ARHGAP24: variants seen among roughly 807,000 people sequenced by gnomAD.
The protein encoded by ARHGAP24 is Rho GTPase activating protein 24, also known as rho GTPase-activating protein 24.
ARHGAP24 carries 50 observed loss-of-function variants against 76.4 expected under a neutral mutation model. The ratio of observed to expected loss-of-function variants is 0.65; its 90% CI spans 0.52 to 0.83. The LOEUF is 0.83. ARHGAP24 is among the 40% of genes least tolerant of loss of function. ARHGAP24 has a pLI of 0.00. For missense variants in ARHGAP24, 930 were observed against 914.2 expected, an observed-to-expected ratio of 1.02 and a Z score of -0.22; for synonymous variants, 345 against 323.3, an observed-to-expected ratio of 1.07 and a Z score of -0.72.
intron 3 of ARHGAP24, among the ~76,000 whole-genome samples, chr4:85,730,204 A>G (rs562158180): frequency 6.6e-6 from 1 of 152,344 alleles, no homozygotes; most frequent in African/African-American, 2.4e-5. Context: ...TCTGACCAGA[A>G]CTGAAATCTC....
At chr4:85,612,792 C>CTTTTCTTTTTT (rs1720436648) in intron 2 of ARHGAP24, among the ~76,000 whole-genome samples, 1 of 82,774 alleles carries the variant, frequency 1.2e-5, no homozygotes, top group East Asian at 4.4e-4. Context: ...CTTTCCATTC[C>CTTTTCTTTTTT]TTTTTTTTTT....
intron 3 of ARHGAP24, among the ~76,000 whole-genome samples, chr4:85,726,935 G>A (rs905082107): frequency 2.6e-5 from 4 of 152,152 alleles, no homozygotes; most frequent in African/African-American, 4.8e-5. Context: ...TTGGGAGGCC[G>A]AGGTAGGGGT....
intron 1 of ARHGAP24, among the ~76,000 whole-genome samples, chr4:85,523,063 G>A (rs998768227): frequency 1.3e-5 from 2 of 152,186 alleles, no homozygotes; most frequent in Non-Finnish European, 1.5e-5. Flanking sequence ...AGTCTTGGAC[G>A]TGGTAGAGTG....
chr4:85,867,670 TTGGAATCCTA>T (rs1046153695), intron 3 of ARHGAP24, among the ~76,000 whole-genome samples: 5 of 151,688 alleles, frequency 3.3e-5, no homozygotes, highest in Non-Finnish European at 4.4e-5. Flanking sequence ...CCCTTCTTTT[TTGGAATCCTA>T]TTTTTATACT....
chr4:85,694,876 A>G (rs1397658070), intron 2 of ARHGAP24, among the ~76,000 whole-genome samples: 1 of 152,206 alleles, frequency 6.6e-6, no homozygotes, highest in African/African-American at 2.4e-5. Context: ...CTTGTCTTAA[A>G]TAAAACTCCT....
intron 2 of ARHGAP24, among the ~76,000 whole-genome samples, chr4:85,644,389 T>A (rs1721641732): frequency 6.6e-6 from 1 of 152,186 alleles, no homozygotes; most frequent in Non-Finnish European, 1.5e-5. Context: ...ATTGAGCAAG[T>A]CATTTAATGA....
At chr4:85,612,780 T>C (rs927033148) in intron 2 of ARHGAP24, among the ~76,000 whole-genome samples, 1 of 136,488 alleles carries the variant, frequency 7.3e-6, no homozygotes, top group African/African-American at 2.6e-5. Context: ...TAAAGCCCTA[T>C]CCTTTCCATT....
intron 3 of ARHGAP24, among the ~76,000 whole-genome samples, chr4:85,837,782 G>A (rs1348092380): frequency 6.6e-6 from 1 of 152,100 alleles, no homozygotes; most frequent in Non-Finnish European, 1.5e-5. Context: ...CCATGCTGCG[G>A]GCAATGTTGT....
intron 3 of ARHGAP24, among the ~76,000 whole-genome samples, chr4:85,777,758 C>G (rs963600835): frequency 7.4e-6 from 1 of 134,404 alleles, no homozygotes; most frequent in Admixed American, 7.9e-5. Flanking sequence ...TATGAATGTT[C>G]GATAAATATT....
At chr4:85,542,462 G>T (rs1298592812) in intron 1 of ARHGAP24, among the ~76,000 whole-genome samples, 1 of 152,088 alleles carries the variant, frequency 6.6e-6, no homozygotes, top group Non-Finnish European at 1.5e-5. Context: ...CTTGCCACAG[G>T]CCAGCCCTGT....
chr4:85,766,465 G>A (rs895432819), intron 3 of ARHGAP24, among the ~76,000 whole-genome samples: 7 of 151,948 alleles, frequency 4.6e-5, no homozygotes, highest in African/African-American at 1.7e-4. Context: ...GCAACACTTG[G>A]GAACTTGTTA....
intron 3 of ARHGAP24, among the ~76,000 whole-genome samples, chr4:85,914,143 G>T (rs1416104689): frequency 6.6e-6 from 1 of 152,108 alleles, no homozygotes; most frequent in Non-Finnish European, 1.5e-5. Flanking sequence ...ATGCAAATAG[G>T]CATTTAGATA....
At chr4:85,875,812 G>C (rs930796629) in intron 3 of ARHGAP24, among the ~76,000 whole-genome samples, 1 of 150,126 alleles carries the variant, frequency 6.7e-6, no homozygotes, top group Admixed American at 6.7e-5. Flanking sequence ...CACAATCTCA[G>C]CTCAGTGCAA....
intron 3 of ARHGAP24, among the ~76,000 whole-genome samples, chr4:85,840,412 C>T (rs1049532662): frequency 6.6e-6 from 1 of 152,164 alleles, no homozygotes; most frequent in Non-Finnish European, 1.5e-5. Flanking sequence ...AAGAGATAAG[C>T]TTCAGGGTGC....
At chr4:85,884,402 C>G (rs1229191819) in intron 3 of ARHGAP24, among the ~76,000 whole-genome samples, 2 of 152,114 alleles carry the variant, frequency 1.3e-5, no homozygotes, top group African/African-American at 4.8e-5. Context: ...ATTGTCGAGC[C>G]CTTTGTTGTG....
intron 1 of ARHGAP24, among the ~76,000 whole-genome samples, chr4:85,569,814 A>G (rs1237028006): frequency 6.6e-6 from 1 of 152,214 alleles, no homozygotes; most frequent in African/African-American, 2.4e-5. Flanking sequence ...CACCTATGTA[A>G]GACAAATGTC....
chr4:85,760,069 A>G (rs1405879087), intron 3 of ARHGAP24, among the ~76,000 whole-genome samples: 1 of 152,176 alleles, frequency 6.6e-6, no homozygotes, highest in Non-Finnish European at 1.5e-5. Flanking sequence ...CTGAAGAAAA[A>G]AAATCAGATT....
At chr4:85,865,296 G>C (rs1014521577) in intron 3 of ARHGAP24, among the ~76,000 whole-genome samples, 6 of 151,778 alleles carry the variant, frequency 4.0e-5, no homozygotes. Context: ...AATTTTGTGA[G>C]TTGGCAGGTA....
intron 1 of ARHGAP24, among the ~76,000 whole-genome samples, chr4:85,506,905 C>CG (rs1399123654): frequency 6.6e-6 from 1 of 151,280 alleles, no homozygotes; most frequent in African/African-American, 2.4e-5. Flanking sequence ...TTTTTTTCCC[C>CG]CCATGTGGAA....
Sources: gnomAD v4.1 joint callset for allele counts (sites outside exome capture counted in the v4.1 genomes callset) on GRCh38, gnomAD v4.1.1 for gene constraint, MANE v1.5 for transcripts, NCBI Gene and HGNC (gene_info 2026-07-23, HGNC 2026-07-21) for gene names.